MGA: variants seen among roughly 807,000 people sequenced by gnomAD.
MGA encodes MAX gene-associated protein.
In MGA, 40 loss-of-function variants were observed where a neutral mutation model predicts 261.1. The ratio of observed to expected loss-of-function variants is 0.15; its 90% confidence interval spans 0.12 to 0.20. The LOEUF is 0.20. Ranked by LOEUF, MGA falls within the 10% of genes least tolerant of loss-of-function variation. The pLI is 1.00. For missense variants in MGA, 3,397 were observed against 3,630.5 expected (o/e 0.94, Z 1.65); for synonymous variants, 1,302 against 1,290.6 (o/e 1.01, Z -0.19).
chr15:41,635,793 G>A (rs2056691537), intron 1 of MGA, among the ~76,000 whole-genome samples: 1 of 152,200 alleles, frequency 6.6e-6, no homozygotes, highest in Non-Finnish European at 1.5e-5. Context: ...ATACTGTGGT[G>A]GTCCCATAAG....
At chr15:41,648,516 T>C (rs969275224) in intron 1 of MGA, among the ~76,000 whole-genome samples, 5 of 152,130 alleles carry the variant, frequency 3.3e-5, no homozygotes, top group Non-Finnish European at 5.9e-5. Context: ...GAGAGAGAAT[T>C]TAAATTAGGG....
intron 1 of MGA, among the ~76,000 whole-genome samples, chr15:41,622,577 T>G (rs906749165): frequency 6.6e-6 from 1 of 152,172 alleles, no homozygotes; most frequent in Non-Finnish European, 1.5e-5. Flanking sequence ...ATCTAATCCC[T>G]ATGTATTTTC....
intron 1 of MGA, among the ~76,000 whole-genome samples, chr15:41,644,479 A>T (rs2056894292): frequency 6.6e-6 from 1 of 152,138 alleles, no homozygotes. Context: ...AACATGGTGA[A>T]ACCCTGTCTC....
rs1458193505 is a variant in MGA at position 41,627,907 on chromosome 15, A to G, written c.-68+6609A>G. On this transcript the variant is annotated intron_variant, in intron 1 of 8. Transcript: ENST00000566718. ...AAGGAATTATTCAATTATTCATAGT[A>G]GGATGAAAATACAAATCGGATAGTT... 2.6e-5 allele frequency among the ~76,000 whole-genome samples: 4 copies of G among 152,402 alleles called. No homozygotes were observed. The East Asian group carries it at 7.7e-4, about 29-fold the overall frequency.
At chr15:41,623,515 C>T (rs1352247810) in intron 1 of MGA, among the ~76,000 whole-genome samples, 1 of 151,792 alleles carries the variant, frequency 6.6e-6, no homozygotes. Flanking sequence ...GAGGCGGAGG[C>T]GGGTGGATCA....
At chr15:41,755,687 C>G (rs546024998) in intron 18 of MGA, among the ~76,000 whole-genome samples, 1 of 152,290 alleles carries the variant, frequency 6.6e-6, no homozygotes, top group African/African-American at 2.4e-5. Context: ...AACCAACACA[C>G]AGCACAAACA....
intron 9 of MGA, chr15:41,718,319 AT>A: frequency 1.2e-5 from 3 of 248,610 alleles, no homozygotes; most frequent in Non-Finnish European, 1.5e-5. Flanking sequence ...ATATATATAT[AT>A]ACATATATAT....
upstream of MGA, among the ~76,000 whole-genome samples, chr15:41,659,821 G>A (rs188994586): frequency 1.8e-3 from 280 of 152,298 alleles, 1 homozygote; most frequent in African/African-American, 6.5e-3. Flanking sequence ...TTCCAACTGC[G>A]CACTGAGTCT....
At chr15:41,707,504 A>AG (rs1232757794) in intron 5 of MGA, among the ~76,000 whole-genome samples, 1 of 152,136 alleles carries the variant, frequency 6.6e-6, no homozygotes, top group Non-Finnish European at 1.5e-5. Context: ...AGTCGGGGTG[A>AG]GGGGAGTTAT....
At chr15:41,643,763 C>CT (rs748421290) in intron 1 of MGA, among the ~76,000 whole-genome samples, 261 of 138,032 alleles carry the variant, frequency 1.9e-3, no homozygotes, top group South Asian at 4.8e-3. Context: ...TTGTGTCATA[C>CT]TTTTTTTTTT....
chr15:41,711,318 A>G lies in MGA; in HGVS notation c.3053A>G (p.Asp1018Gly), dbSNP rs766384267. The change falls in exon 8 of 24, where the codon GAT becomes GGT. Residue 1018 changes from aspartate (D) to glycine (G), a missense_variant. By Grantham distance (94) the Asp-to-Gly change is moderately conservative. This residue lies in a region of MGA where 519 missense variants were observed against 554.1 expected (regional missense o/e 0.94). Coordinates refer to ENST00000219905, the MANE Select transcript of MGA (RefSeq NM_001164273.2). ...ACATACATCACAGAAGAGCGAGCAG[A>G]TGTATCCTTAACAACTCTACTTACA... The G allele has an allele frequency of 1.2e-6, 2 of 1,611,754 alleles. No individual in the cohort carries two copies. Among genetic ancestry groups the G allele is most frequent in the Admixed American group, 1.7e-5 (1 of 59,608 alleles).
At position 41,698,855 on chromosome 15, in the gene MGA, A is replaced by G; in HGVS notation, c.2014-8A>G. ...GAACTACTATTTTTTTTTTTTTTTG[A>G]TGTATAGGAAGCTCTAGACATTCAT... On this transcript the variant is annotated splice_polypyrimidine_tract_variant and splice_region_variant and intron_variant, in intron 3 of 23. Transcript: ENST00000219905. 3 of 1,388,936 alleles carry G rather than the reference A, an allele frequency of 2.2e-6. No homozygotes were observed. Among genetic ancestry groups the G allele is most frequent in the South Asian group, 1.4e-5 (1 of 69,782 alleles). 86.0% of individuals were successfully genotyped at this position (1,388,936 alleles called of 1,614,324 possible). A position where few individuals can be genotyped will look rare whatever the true frequency, so the allele number is the denominator to read the frequency against.
At chr15:41,671,798 G>C (rs1437972314) in intron 2 of MGA, among the ~76,000 whole-genome samples, 1 of 152,172 alleles carries the variant, frequency 6.6e-6, no homozygotes, top group East Asian at 1.9e-4. Flanking sequence ...TCTTGTCTAT[G>C]AGCTGGTTAT....
At chr15:41,636,960 C>T (rs949471725) in intron 1 of MGA, among the ~76,000 whole-genome samples, 9 of 151,686 alleles carry the variant, frequency 5.9e-5, no homozygotes, top group Non-Finnish European at 1.2e-4. Context: ...TCAAAGGTGA[C>T]ACCGTAAAGG....
chr15:41,692,438 A>C (rs191711014), intron 2 of MGA, among the ~76,000 whole-genome samples: 2 of 152,300 alleles, frequency 1.3e-5, no homozygotes, highest in Admixed American at 6.5e-5. Context: ...GTGTTTTTGC[A>C]AAGATCCTTT....
chr15:41,749,989 A>T lies in MGA; in HGVS notation c.6382A>T (p.Ser2128Cys). The stretch of plus-strand genomic sequence containing the variant: ...ATTTGACAATCCAGAAGAAAACTCA[A>T]GTGAATTTCCAGTCACCTTTAAGGA... The change falls in exon 17 of 24, where the codon AGT becomes TGT. Residue 2128 changes from serine to cysteine, a missense_variant. Around this residue, in one of 9 missense-constraint regions of MGA, gnomAD observed 1,410 missense variants for 1,386.4 expected, o/e 1.02. Transcript: ENST00000219905. 6.2e-7 allele frequency: 1 copy of T among 1,612,312 alleles called. No individual in the cohort carries two copies. Among genetic ancestry groups the T allele is most frequent in the South Asian group, 1.1e-5 (1 of 90,834 alleles).
intron 1 of MGA, among the ~76,000 whole-genome samples, chr15:41,635,991 T>C (rs1228436910): frequency 6.6e-6 from 1 of 152,180 alleles, no homozygotes; most frequent in African/African-American, 2.4e-5. Context: ...AATTCAGTAC[T>C]AGATGATACT....
chr15:41,707,703 A>G (rs1364356197), intron 5 of MGA, 25 bp from the exon 6 acceptor site: 2 of 1,581,780 alleles, frequency 1.3e-6, no homozygotes, highest in Non-Finnish European at 1.7e-6. Flanking sequence ...AATCTATGGA[A>G]ATATGATTTC....
At chr15:41,717,248 T>C (rs1010241763) in intron 9 of MGA, among the ~76,000 whole-genome samples, 9 of 152,214 alleles carry the variant, frequency 5.9e-5, no homozygotes, top group African/African-American at 2.2e-4. Context: ...CAAAAAATAC[T>C]GCTGGCTGTG....
Sources: allele counts gnomAD v4.1 joint callset (sites outside exome capture counted in the v4.1 genomes callset), GRCh38; gene constraint gnomAD v4.1.1; regional missense constraint gnomAD v4.1.1; transcripts MANE v1.5; gene names NCBI Gene and HGNC (gene_info 2026-07-23, HGNC 2026-07-21).